The following GALNT2 variants were observed in gnomAD, a reference collection of about 807,000 sequenced individuals.
GALNT2 encodes the protein UDP-GalNAc:polypeptide N-acetylgalactosaminyltransferase 2.
A neutral mutation model predicts 81.4 loss-of-function variants in GALNT2; 31 were observed. That is an observed-to-expected ratio of 0.38 (90% CI 0.29 to 0.51). GALNT2 has a LOEUF of 0.51. GALNT2 is among the 20% of genes least tolerant of loss of function. The pLI, the probability that GALNT2 is intolerant of heterozygous loss-of-function variation, is 0.87. For missense variants in GALNT2, 629 were observed against 765.7 expected, an observed-to-expected ratio of 0.82 and a Z score of 2.11; for synonymous variants, 303 against 287.4, an observed-to-expected ratio of 1.05 and a Z score of -0.55.
At chr1:230,076,391 G>A (rs1183300002) in intron 1 of GALNT2, among the ~76,000 whole-genome samples, 1 of 152,166 alleles carries the variant, frequency 6.6e-6, no homozygotes, top group South Asian at 2.1e-4. Flanking sequence ...GGGTCCCTGT[G>A]CACCTTTTCC....
At chr1:230,187,483 GC>G (rs1472632188) in intron 2 of GALNT2, among the ~76,000 whole-genome samples, 1 of 148,262 alleles carries the variant, frequency 6.7e-6, no homozygotes, top group African/African-American at 2.4e-5. Flanking sequence ...ACTCTGTGCA[GC>G]CCCCCGGCAG....
chr1:230,250,655 T>G (rs1190135802), intron 10 of GALNT2, 95 bp downstream of exon 10: 9 of 797,472 alleles, frequency 1.1e-5, no homozygotes, highest in African/African-American at 1.7e-5. Context: ...GGCTTCAGAG[T>G]GACCATTCAC....
chr1:230,121,140 G>A (rs1350435374), intron 1 of GALNT2, among the ~76,000 whole-genome samples: 2 of 152,236 alleles, frequency 1.3e-5, no homozygotes. Flanking sequence ...AAATGGCATA[G>A]AGCCACTTCC....
chr1:230,259,674 T>G (rs182030663), intron 11 of GALNT2: 1 of 152,268 alleles, frequency 6.6e-6, no homozygotes, highest in Admixed American at 6.5e-5. Context: ...GTGTGGAAAA[T>G]GGTCCTTGTG....
intron 1 of GALNT2, among the ~76,000 whole-genome samples, chr1:230,150,766 A>G (rs1159730944): frequency 1.3e-5 from 2 of 152,198 alleles, no homozygotes; most frequent in African/African-American, 4.8e-5. Context: ...GCACAGACAC[A>G]CACTCCTTTT....
At chr1:230,115,006 C>CTTT (rs10666711) in intron 1 of GALNT2, among the ~76,000 whole-genome samples, 4,840 of 129,290 alleles carry the variant, frequency 0.037, 333 homozygotes, top group African/African-American at 0.12. Flanking sequence ...AGGGTTCACT[C>CTTT]TTTTTTTTTT....
intron 15 of GALNT2, among the ~76,000 whole-genome samples, chr1:230,276,308 G>A (rs1436187623): frequency 1.3e-5 from 2 of 152,078 alleles, no homozygotes; most frequent in African/African-American, 4.8e-5. Context: ...GTAACAGTTA[G>A]TGTCAGGAAT....
At chr1:230,255,506 G>T in intron 11 of GALNT2, 162 bp downstream of exon 11, 2 of 928,444 alleles carry the variant, frequency 2.2e-6, no homozygotes, top group Non-Finnish European at 3.2e-6. Context: ...ACGGATGCAG[G>T]ATACAACCTG....
At chr1:230,261,339 T>C (rs1402195519) in intron 11 of GALNT2, among the ~76,000 whole-genome samples, 6 of 152,242 alleles carry the variant, frequency 3.9e-5, no homozygotes, top group Admixed American at 3.9e-4. Flanking sequence ...GAAATTATTT[T>C]AATAATGGTA....
intron 12 of GALNT2, 111 bp from the exon 13 acceptor site, chr1:230,262,811 C>T (rs2102762718): frequency 7.7e-7 from 1 of 1,306,888 alleles, no homozygotes; most frequent in Non-Finnish European, 1.1e-6. Flanking sequence ...GGGCAGTCCA[C>T]ACCACACCAC....
intron 3 of GALNT2, among the ~76,000 whole-genome samples, chr1:230,227,758 C>T (rs1664758261): frequency 6.6e-6 from 1 of 152,110 alleles, no homozygotes; most frequent in African/African-American, 2.4e-5. Context: ...ATCTGTAAAA[C>T]ATCTATGGCA....
chr1:230,159,260 C>T (rs767097709), intron 1 of GALNT2, among the ~76,000 whole-genome samples: 6 of 152,118 alleles, frequency 3.9e-5, no homozygotes, highest in Non-Finnish European at 5.9e-5. Flanking sequence ...CTCCTTTCTC[C>T]GCAATCACAT....
intron 14 of GALNT2, among the ~76,000 whole-genome samples, chr1:230,267,387 G>A (rs78993632): frequency 6.6e-6 from 1 of 152,208 alleles, no homozygotes; most frequent in Admixed American, 6.5e-5. Context: ...TGTCCAGGTG[G>A]CTGCGCCTCC....
At chr1:230,211,155 G>A (rs903658659) in intron 3 of GALNT2, among the ~76,000 whole-genome samples, 1 of 152,146 alleles carries the variant, frequency 6.6e-6, no homozygotes, top group Non-Finnish European at 1.5e-5. Context: ...AACATGCGCC[G>A]CTGGCCTCCT....
At chr1:230,073,001 A>G (rs1024176964) in intron 1 of GALNT2, among the ~76,000 whole-genome samples, 1 of 152,176 alleles carries the variant, frequency 6.6e-6, no homozygotes, top group African/African-American at 2.4e-5. Context: ...TTCTGGTTCC[A>G]CCATTGTAAT....
chr1:230,104,843 C>A (rs1335098590), intron 1 of GALNT2, among the ~76,000 whole-genome samples: 1 of 152,230 alleles, frequency 6.6e-6, no homozygotes, highest in Non-Finnish European at 1.5e-5. Context: ...GGGCCCTTGC[C>A]AGGCTGAGTC....
At chr1:230,263,134 C>T in intron 13 of GALNT2, 129 bp downstream of exon 13, 1 of 724,062 alleles carries the variant, frequency 1.4e-6, no homozygotes, top group Non-Finnish European at 2.3e-6. Context: ...CCAGTGAGAG[C>T]CTGTGGTCTC....
At chr1:230,200,909 C>G (rs976445648) in intron 2 of GALNT2, among the ~76,000 whole-genome samples, 11 of 152,302 alleles carry the variant, frequency 7.2e-5, no homozygotes, top group African/African-American at 2.6e-4. Context: ...TTTGTTAGAA[C>G]CAGCTCATTG....
intron 1 of GALNT2, chr1:230,091,857 C>T (rs1211168307): frequency 6.6e-6 from 1 of 152,356 alleles, no homozygotes; most frequent in Admixed American, 6.5e-5. Flanking sequence ...ACCTCAGGGC[C>T]CTTTGGCTAC....
Sources: allele counts gnomAD v4.1 joint callset (sites outside exome capture counted in the v4.1 genomes callset), GRCh38; gene constraint gnomAD v4.1.1; transcripts MANE v1.5; gene names NCBI Gene and HGNC (gene_info 2026-07-23, HGNC 2026-07-21).